TUBB2B: variants seen among roughly 807,000 people sequenced by gnomAD.
TUBB2B encodes tubulin beta 2B class IIb.
TUBB2B carries 5 observed loss-of-function variants against 35.0 expected under a neutral mutation model. The observed-to-expected ratio is 0.14, with a 90% CI of 0.07 to 0.30. The LOEUF is 0.30. Ranked by LOEUF, TUBB2B falls within the 10% of genes least tolerant of loss-of-function variation. The probability of loss-of-function intolerance (pLI) is 1.00; values close to 1 mark genes in which losing one functional copy is unlikely to be tolerated. For missense variants in TUBB2B, 63 were observed against 601.8 expected (o/e 0.10, Z 9.37); for synonymous variants, 166 against 250.5 (o/e 0.66, Z 3.18).
rs1237445227 is a variant in TUBB2B at position 3,224,526 on chromosome 6, C to A, written c.*225G>T. On this transcript the variant is annotated 3_prime_UTR_variant, in exon 4 of 4. Coordinates refer to ENST00000259818, the MANE Select transcript of TUBB2B (RefSeq NM_178012.5). Reference sequence around the variant, plus strand: ...ACACAAACGTTTATGTGATTTTAGCCATTACAACAGTAATTCAGAAATATC... The same window carrying A: ...ACACAAACGTTTATGTGATTTTAGCAATTACAACAGTAATTCAGAAATATC... The A allele has an allele frequency of 4.5e-6, 3 of 668,136 alleles. No individual in the cohort carries two copies. Among genetic ancestry groups the A allele is most frequent in the Non-Finnish European group, 2.5e-6 (1 of 401,132 alleles). The allele number at this position is 668,136 out of a possible 1,614,324, so 41.4% of individuals were successfully genotyped here. A position where few individuals can be genotyped will look rare whatever the true frequency, so the allele number is the denominator to read the frequency against.
chr6:3,224,733 C>G lies in TUBB2B; in HGVS notation c.*18G>C, dbSNP rs1443686761. ...CGCTTTCCTCCTCCGCTTTCCCTAA[C>G]CCGTCTCGCGGGGGCATCTACGCCT... On this transcript the variant is annotated 3_prime_UTR_variant, in exon 4 of 4. Transcript: ENST00000259818. 3.1e-6 allele frequency: 5 copies of G among 1,613,822 alleles called. No individual in the cohort carries two copies. The highest frequency in any genetic ancestry group is 1.7e-4 in the Middle Eastern group (1 of 6,046).
chr6:3,225,913 T>C, intron 3 of TUBB2B, 102 bp from the exon 4 acceptor site: 1 of 1,546,490 alleles, frequency 6.5e-7, no homozygotes, highest in Non-Finnish European at 8.8e-7. Flanking sequence ...CAGATAAGAC[T>C]ATTTCAGATT....
chr6:3,226,681 A>G lies in TUBB2B; in HGVS notation c.58-12T>C. Reference sequence around the variant, plus strand: ...ATGACCTCCCAAAACTGAGACAGAAAGGCTGCATTTAGCCATGAACGATGC... The same window carrying G: ...ATGACCTCCCAAAACTGAGACAGAAGGGCTGCATTTAGCCATGAACGATGC... On this transcript the variant is annotated splice_polypyrimidine_tract_variant and intron_variant, in intron 1 of 3. Transcript: ENST00000259818. This position sits in a 1 kb window ranked among gnomAD's most constrained non-coding sequence, Gnocchi z 5.5. 6.2e-7 allele frequency: 1 copy of G among 1,609,682 alleles called. No individual in the cohort carries two copies. The highest frequency in any genetic ancestry group is 8.5e-7 in the Non-Finnish European group (1 of 1,175,942).
rs908454300 is a variant in TUBB2B, at chr6:3,224,418, G to T, written c.*333C>A. 2.4e-5 allele frequency: 10 copies of T among 417,494 alleles called. No individual in the cohort carries two copies. Among genetic ancestry groups the T allele is most frequent in the East Asian group, 8.7e-5 (2 of 22,922 alleles). The allele number at this position is 417,494 out of a possible 1,614,324, so 25.9% of individuals were successfully genotyped here. ...ACGCCTTTGCTTTTTGTTAAAGGAA[G>T]AATTCAATGCAATGTGTTCAGAAAG... On this transcript the variant is annotated 3_prime_UTR_variant, in exon 4 of 4. Coordinates refer to ENST00000259818, the MANE Select transcript of TUBB2B (RefSeq NM_178012.5).
At position 3,226,719 on chromosome 6, in the gene TUBB2B, C is replaced by T; in HGVS notation, c.58-50G>A. On this transcript the variant is annotated intron_variant, in intron 1 of 3. Transcript: ENST00000259818. This position sits in a 1 kb window ranked among gnomAD's most constrained non-coding sequence, Gnocchi z 5.5. ...CCATGAACGATGCCCCCAGAAACGCCAAGGCTCACAATGAAATGTCCCCGA... is the reference window on the plus strand; with the variant it reads ...CCATGAACGATGCCCCCAGAAACGCTAAGGCTCACAATGAAATGTCCCCGA... 2.1e-6 allele frequency: 3 copies of T among 1,459,114 alleles called. No individual in the cohort carries two copies. Among genetic ancestry groups the T allele is most frequent in the Non-Finnish European group, 2.9e-6 (3 of 1,038,680 alleles). 90.4% of individuals were successfully genotyped at this position (1,459,114 alleles called of 1,614,324 possible). A position where few individuals can be genotyped will look rare whatever the true frequency, so the allele number is the denominator to read the frequency against.
At position 3,224,558 on chromosome 6, in the gene TUBB2B, G is replaced by A. The variant is rs1186137355; in HGVS notation, c.*193C>T. 3.8e-6 allele frequency: 3 copies of A among 779,862 alleles called. No individual in the cohort carries two copies. Among genetic ancestry groups the A allele is most frequent in the Admixed American group, 3.0e-5 (1 of 33,532 alleles). 48.3% of individuals were successfully genotyped at this position (779,862 alleles called of 1,614,324 possible). ...ACAGTAATTCAGAAATATCTCAAAT[G>A]TTACATTGATGTCATCAATATTACA... On this transcript the variant is annotated 3_prime_UTR_variant, in exon 4 of 4. Coordinates refer to ENST00000259818, the MANE Select transcript of TUBB2B (RefSeq NM_178012.5).
In TUBB2B at chr6:3,226,944, C is replaced by T. The variant is rs912778176; in HGVS notation, c.58-275G>A. ...AAAGCCGGGCAGTGGCGGAGCTTGG[C>T]GCACTGGTCGCAGCCCCAGGCTGCG... On this transcript the variant is annotated intron_variant, in intron 1 of 3. Coordinates refer to ENST00000259818, the MANE Select transcript of TUBB2B (RefSeq NM_178012.5). This position sits in a 1 kb window ranked among gnomAD's most constrained non-coding sequence, Gnocchi z 5.5. Among the ~76,000 whole-genome samples, 5 of 152,086 alleles carry T rather than the reference C, an allele frequency of 3.3e-5. No homozygotes were observed. Among genetic ancestry groups the T allele is most frequent in the African/African-American group, 1.2e-4 (5 of 41,432 alleles).
In TUBB2B at chr6:3,226,539, G is replaced by A. The variant is rs202182484; in HGVS notation, c.166+22C>T. 2,371 of 1,601,174 alleles carry A rather than the reference G, an allele frequency of 1.5e-3. 2 individuals carry two copies. Among genetic ancestry groups the A allele is most frequent in the Non-Finnish European group, 1.8e-3 (2,106 of 1,168,194 alleles). On this transcript the variant is annotated intron_variant, in intron 2 of 3. Coordinates refer to ENST00000259818, the MANE Select transcript of TUBB2B (RefSeq NM_178012.5). The surrounding 1 kb of genome is among the most constrained non-coding windows in gnomAD (Gnocchi z 5.5). ...GAAGGTGGAAAAACTGAAGGGAGTGGGGGTGGGGCAAGGGTGATTACCAGT... is the reference window on the plus strand; with the variant it reads ...GAAGGTGGAAAAACTGAAGGGAGTGAGGGTGGGGCAAGGGTGATTACCAGT...
In TUBB2B at chr6:3,224,876, C is replaced by T. The variant is rs1215545966; in HGVS notation, c.1213G>A (p.Glu405Lys). ...LHWYTGEGMD[E>K]MEFTEAESNM... ...CTCTCGGCCTCGGTGAACTCCATCTCGTCCATGCCCTCGCCCGTGTACCAG... is the reference window on the plus strand; with the variant it reads ...CTCTCGGCCTCGGTGAACTCCATCTTGTCCATGCCCTCGCCCGTGTACCAG... Residue 405 changes from glutamate (E) to lysine (K), a missense_variant, in exon 4 of 4, where the codon GAG (glutamate) becomes AAG (lysine). Physicochemically the swap from Glu to Lys is moderately conservative, Grantham distance 56. Around this residue, in one of 4 missense-constraint regions of TUBB2B, gnomAD observed 18 missense variants for 145.0 expected, o/e 0.12. Transcript: ENST00000259818. 1 of 1,606,896 alleles carries T rather than the reference C, an allele frequency of 6.2e-7. No individual in the cohort carries two copies. Among genetic ancestry groups the T allele is most frequent in the Non-Finnish European group, 8.5e-7 (1 of 1,178,594 alleles).
At position 3,224,959 on chromosome 6, in the gene TUBB2B, A is replaced by G; in HGVS notation, c.1130T>C (p.Leu377Pro). The G allele has an allele frequency of 6.5e-7, 1 of 1,535,336 alleles. No homozygotes were observed. The highest frequency in any genetic ancestry group is 8.8e-7 in the Non-Finnish European group (1 of 1,139,058). The change falls in exon 4 of 4, where the codon CTG becomes CCG. Residue 377 changes from leucine to proline, a missense_variant. Physicochemically the swap from Leu to Pro is moderately conservative, Grantham distance 98. Around this residue, in one of 4 missense-constraint regions of TUBB2B, gnomAD observed 18 missense variants for 145.0 expected, o/e 0.12. Coordinates refer to ENST00000259818, the MANE Select transcript of TUBB2B (RefSeq NM_178012.5). ...FIGNSTAIQE[L>P]FKRISEQFTA... ...GAACTGCTCGGAGATGCGCTTGAAC[A>G]GCTCCTGGATGGCCGTGCTGTTGCC...
In TUBB2B at chr6:3,226,484, C is replaced by A. The variant is rs891155309; in HGVS notation, c.166+77G>T. ...TAGTCCACCCTCTCCCAGGGCCACACCCCTGGGGTCCCACGCAAGGGAAAG... is the reference window on the plus strand; with the variant it reads ...TAGTCCACCCTCTCCCAGGGCCACAACCCTGGGGTCCCACGCAAGGGAAAG... On this transcript the variant is annotated intron_variant, in intron 2 of 3. Transcript: ENST00000259818. The surrounding 1 kb of genome is among the most constrained non-coding windows in gnomAD (Gnocchi z 5.5). 8.1e-6 allele frequency: 11 copies of A among 1,353,710 alleles called. No homozygotes were observed. The highest frequency in any genetic ancestry group is 4.6e-5 in the East Asian group (2 of 43,730). The allele number at this position is 1,353,710 out of a possible 1,614,324, so 83.9% of individuals were successfully genotyped here.
At chr6:3,225,832 T>C in intron 3 of TUBB2B, 21 bp from the exon 4 acceptor site, 1 of 1,613,594 alleles carries the variant, frequency 6.2e-7, no homozygotes, top group Non-Finnish European at 8.5e-7. Context: ...GAAAGAGAAA[T>C]CTTAAGTCAC....
chr6:3,226,949 T>G lies in TUBB2B; in HGVS notation c.58-280A>C, dbSNP rs1489710679. ...CGGGCAGTGGCGGAGCTTGGCGCAC[T>G]GGTCGCAGCCCCAGGCTGCGGCAGG... On this transcript the variant is annotated intron_variant, in intron 1 of 3. Coordinates refer to ENST00000259818, the MANE Select transcript of TUBB2B (RefSeq NM_178012.5). The surrounding 1 kb of genome is among the most constrained non-coding windows in gnomAD (Gnocchi z 5.5). 6.6e-6 allele frequency among the ~76,000 whole-genome samples: 1 copy of G among 152,048 alleles called. No individual in the cohort carries two copies. Among genetic ancestry groups the G allele is most frequent in the Admixed American group, 6.5e-5 (1 of 15,276 alleles).
chr6:3,227,208 G>C lies in TUBB2B; in HGVS notation c.57+279C>G, dbSNP rs1423954532. Among the ~76,000 whole-genome samples the C allele has an allele frequency of 6.6e-6, 1 of 151,970 alleles. No individual in the cohort carries two copies. Among genetic ancestry groups the C allele is most frequent in the Non-Finnish European group, 1.5e-5 (1 of 67,972 alleles). On this transcript the variant is annotated intron_variant, in intron 1 of 3. Coordinates refer to ENST00000259818, the MANE Select transcript of TUBB2B (RefSeq NM_178012.5). This position sits in a 1 kb window ranked among gnomAD's most constrained non-coding sequence, Gnocchi z 7.8. ...CGCACAGCCTCGCGGACACACCCTC[G>C]TCTTCTCCAGGCACGCGTGCCTGCC...
At position 3,224,453 on chromosome 6, in the gene TUBB2B, A is replaced by C; in HGVS notation, c.*298T>G. Reference sequence around the variant, plus strand: ...CAATGTGTTCAGAAAGTTACATTTAAATCGTTAATAAAGAGAAAAAGGAAG... The same window carrying C: ...CAATGTGTTCAGAAAGTTACATTTACATCGTTAATAAAGAGAAAAAGGAAG... On this transcript the variant is annotated 3_prime_UTR_variant, in exon 4 of 4. Transcript: ENST00000259818. 1 of 539,736 alleles carries C rather than the reference A, an allele frequency of 1.9e-6. No homozygotes were observed. The highest frequency in any genetic ancestry group is 3.2e-5 in the East Asian group (1 of 31,316). The allele number at this position is 539,736 out of a possible 1,614,324, so 33.4% of individuals were successfully genotyped here.
chr6:3,227,451 G>T lies in TUBB2B; in HGVS notation c.57+36C>A. 5 of 1,602,076 alleles carry T rather than the reference G, an allele frequency of 3.1e-6. No homozygotes were observed. The highest frequency in any genetic ancestry group is 2.5e-6 in the Non-Finnish European group (3 of 1,179,128). ...CGAGGGGCTCTCGGCCCAGGTTCGC[G>T]CCCCCATTGGACCCCCTCCGCTGCG... On this transcript the variant is annotated intron_variant, in intron 1 of 3. Transcript: ENST00000259818. This position sits in a 1 kb window ranked among gnomAD's most constrained non-coding sequence, Gnocchi z 7.8.
Position 3,226,088 on chromosome 6 carries a change from C to T in TUBB2B, c.277+71G>A. ...TTCTTCATGCTTTCCCTCTGGCAAT[C>T]ACACCTCTTCAGCCTCCACTGCCCA... On this transcript the variant is annotated intron_variant, in intron 3 of 3. Coordinates refer to ENST00000259818, the MANE Select transcript of TUBB2B (RefSeq NM_178012.5). The surrounding 1 kb of genome is among the most constrained non-coding windows in gnomAD (Gnocchi z 5.5). The T allele has an allele frequency of 1.4e-6, 2 of 1,454,342 alleles. No homozygotes were observed. The highest frequency in any genetic ancestry group is 1.1e-5 in the South Asian group (1 of 87,332). 90.1% of individuals were successfully genotyped at this position (1,454,342 alleles called of 1,614,324 possible). A position where few individuals can be genotyped will look rare whatever the true frequency, so the allele number is the denominator to read the frequency against.
Position 3,224,653 on chromosome 6 carries a change from C to T in TUBB2B, c.*98G>A. 1 of 1,554,316 alleles carries T rather than the reference C, an allele frequency of 6.4e-7. No homozygotes were observed. On this transcript the variant is annotated 3_prime_UTR_variant, in exon 4 of 4. Coordinates refer to ENST00000259818, the MANE Select transcript of TUBB2B (RefSeq NM_178012.5). Reference sequence around the variant, plus strand: ...GACCCAGCGCACACCTAAAGTAGACCATGCTTCTTTCCTTCCACTGCCAGG... The same window carrying T: ...GACCCAGCGCACACCTAAAGTAGACTATGCTTCTTTCCTTCCACTGCCAGG...
rs751743160 is a variant in TUBB2B at position 3,224,862 on chromosome 6, G to A, written c.1227C>T (p.Thr409=). 41 of 1,609,004 alleles carry A rather than the reference G, an allele frequency of 2.5e-5. No homozygotes were observed. Among genetic ancestry groups the A allele is most frequent in the Non-Finnish European group, 2.5e-5 (30 of 1,178,994 alleles). ...GGTCGTTCATGTTGCTCTCGGCCTC[G>A]GTGAACTCCATCTCGTCCATGCCCT... ...TGEGMDEMEF[T]EAESNMNDLV... is the part of the protein sequence containing the mutation. The change falls in exon 4 of 4, where the codon ACC becomes ACT. Residue 409 remains threonine, a synonymous_variant. Coordinates refer to ENST00000259818, the MANE Select transcript of TUBB2B (RefSeq NM_178012.5).
Sources: allele counts gnomAD v4.1 joint callset (sites outside exome capture counted in the v4.1 genomes callset), GRCh38; gene constraint gnomAD v4.1.1; regional missense constraint gnomAD v4.1.1; non-coding constraint Gnocchi (gnomAD v3.1); transcripts MANE v1.5; gene names NCBI Gene and HGNC (gene_info 2026-07-23, HGNC 2026-07-21).